The following TFAP2C variants were observed in gnomAD, a reference collection of about 807,000 sequenced individuals.
TFAP2C encodes activating enhancer-binding protein 2 gamma.
A neutral mutation model predicts 42.9 loss-of-function variants in TFAP2C; 9 were observed. The ratio of observed to expected loss-of-function variants is 0.21; its 90% CI spans 0.13 to 0.37. The LOEUF is 0.37. Ranked by LOEUF, TFAP2C falls within the 10% of genes least tolerant of loss-of-function variation. The pLI is 1.00. For synonymous variants in TFAP2C, 264 were observed against 256.0 expected, an observed-to-expected ratio of 1.03 and a Z score of -0.30; for missense variants, 462 against 591.7, an observed-to-expected ratio of 0.78 and a Z score of 2.27.
intron 6 of TFAP2C, 43 bp from the exon 7 acceptor site, chr20:56,637,685 G>A (rs2146450149): frequency 6.3e-7 from 1 of 1,599,414 alleles, no homozygotes; most frequent in Non-Finnish European, 8.5e-7. Flanking sequence ...TGACCTGTAA[G>A]GAGCTAGATG....
chr20:56,629,494 TG>T lies in TFAP2C; in HGVS notation c.-45del, dbSNP rs1230718829. ...GATTTTGGATTTACCGCTTGGGGGCTGGGGGGATCCTGGATTTAACTGGCGA... is the reference window on the plus strand; with the variant it reads ...GATTTTGGATTTACCGCTTGGGGGCTGGGGGATCCTGGATTTAACTGGCGA... On this transcript the variant is annotated 5_prime_UTR_variant, in exon 1 of 7. Coordinates refer to ENST00000201031, the MANE Select transcript of TFAP2C (RefSeq NM_003222.4). The surrounding 1 kb of genome is among the most constrained non-coding windows in gnomAD (Gnocchi z 5.9). The T allele has an allele frequency of 1.4e-5, 19 of 1,375,514 alleles. No homozygotes were observed. The highest frequency in any genetic ancestry group is 2.8e-5 in the East Asian group (1 of 36,314). 85.2% of individuals were successfully genotyped at this position (1,375,514 alleles called of 1,614,324 possible).
intron 3 of TFAP2C, among the ~76,000 whole-genome samples, chr20:56,632,198 C>T (rs1427526177): frequency 6.6e-6 from 1 of 152,286 alleles, no homozygotes; most frequent in Non-Finnish European, 1.5e-5. Context: ...ACAGGCACAC[C>T]TTCGTTGAGT....
Position 56,631,088 on chromosome 20 carries a change from G to T in TFAP2C, c.49-117G>T, listed in dbSNP as rs34060732. ...TACCTTCCGACCCTGGGCAAGCCCC[G>T]CCGGGCGGGGTGCGGTTGGTCCCCC... On this transcript the variant is annotated intron_variant, in intron 1 of 6. Coordinates refer to ENST00000201031, the MANE Select transcript of TFAP2C (RefSeq NM_003222.4). This position sits in a 1 kb window ranked among gnomAD's most constrained non-coding sequence, Gnocchi z 6.1. 2.4e-4 allele frequency: 341 copies of T among 1,436,420 alleles called. 3 individuals are homozygous for T. In the African/African-American group the frequency reaches 3.4e-3, roughly 14 times the overall value. 89.0% of individuals were successfully genotyped at this position (1,436,420 alleles called of 1,614,324 possible). A position where few individuals can be genotyped will look rare whatever the true frequency, so the allele number is the denominator to read the frequency against.
intron 5 of TFAP2C, 24 bp from the exon 6 acceptor site, chr20:56,636,585 TA>T (rs2146449523): frequency 6.3e-7 from 1 of 1,598,280 alleles, no homozygotes; most frequent in African/African-American, 1.3e-5. Flanking sequence ...ACAGCCATCC[TA>T]AAAGCTGTTG....
In TFAP2C at chr20:56,630,315, C is replaced by T. The variant is rs1020043893; in HGVS notation, c.48+723C>T. On this transcript the variant is annotated intron_variant, in intron 1 of 6. Coordinates refer to ENST00000201031, the MANE Select transcript of TFAP2C (RefSeq NM_003222.4). The surrounding 1 kb of genome is among the most constrained non-coding windows in gnomAD (Gnocchi z 5.1). ...TGCGCCTCCGGGCCCTGGAGGGCTG[C>T]CCCTGCCCGCAGGCCCGGGCGCTTC... The T allele has an allele frequency of 3.6e-5, 15 of 414,394 alleles. No individual in the cohort carries two copies. The highest frequency in any genetic ancestry group is 2.0e-4 in the South Asian group (12 of 60,246). The allele number at this position is 414,394 out of a possible 1,614,324, so 25.7% of individuals were successfully genotyped here.
In TFAP2C at chr20:56,638,968, A is replaced by G. The variant is rs1330322356; in HGVS notation, c.*955A>G. Reference sequence around the variant, plus strand: ...TTGAGACATGGGATCCAATTTTAATATTAACTTTTAATGGTGATGGGGTAA... The same window carrying G: ...TTGAGACATGGGATCCAATTTTAATGTTAACTTTTAATGGTGATGGGGTAA... On this transcript the variant is annotated 3_prime_UTR_variant, in exon 7 of 7. Coordinates refer to ENST00000201031, the MANE Select transcript of TFAP2C (RefSeq NM_003222.4). 6.6e-6 allele frequency: 1 copy of G among 152,584 alleles called. No homozygotes were observed. Among genetic ancestry groups the G allele is most frequent in the Non-Finnish European group, 1.5e-5 (1 of 68,026 alleles). The allele number at this position is 152,584 out of a possible 1,614,324, so 9.5% of individuals were successfully genotyped here.
Position 56,639,154 on chromosome 20 carries a change from G to A in TFAP2C, c.*1141G>A, listed in dbSNP as rs1351450370. ...TTCCTGTTGGGCTGAACCCTAAGGT[G>A]AGTGTGCAGTACAGTGTGTGTGGGT... On this transcript the variant is annotated 3_prime_UTR_variant, in exon 7 of 7. Coordinates refer to ENST00000201031, the MANE Select transcript of TFAP2C (RefSeq NM_003222.4). The A allele has an allele frequency of 2.0e-5, 3 of 152,626 alleles. No homozygotes were observed. The highest frequency in any genetic ancestry group is 1.5e-5 in the Non-Finnish European group (1 of 68,046). 9.5% of individuals were successfully genotyped at this position (152,626 alleles called of 1,614,324 possible).
chr20:56,635,158 C>T (rs112439334), intron 5 of TFAP2C, among the ~76,000 whole-genome samples: 4 of 152,268 alleles, frequency 2.6e-5, no homozygotes, highest in South Asian at 2.1e-4. Flanking sequence ...TTACCTTTTA[C>T]GAGTGCCTTT....
At chr20:56,635,989 C>A (rs953554454) in intron 5 of TFAP2C, among the ~76,000 whole-genome samples, 3 of 151,970 alleles carry the variant, frequency 2.0e-5, no homozygotes, top group Non-Finnish European at 2.9e-5. Context: ...TTCATTATTT[C>A]CCCCCCGAAT....
chr20:56,631,518 C>T lies in TFAP2C; in HGVS notation c.362C>T (p.Pro121Leu). The T allele has an allele frequency of 5.3e-6, 8 of 1,505,406 alleles. No individual in the cohort carries two copies. Among genetic ancestry groups the T allele is most frequent in the East Asian group, 5.2e-5 (2 of 38,722 alleles). 93.3% of individuals were successfully genotyped at this position (1,505,406 alleles called of 1,614,324 possible). A position where few individuals can be genotyped will look rare whatever the true frequency, so the allele number is the denominator to read the frequency against. ...GGGCTGCCCTCGCACCACGGGCGCC[C>T]GGCCGGCCTACTGCCCCACCTCTCC... ...GAGLPSHHGR[P>L]AGLLPHLSGL... Residue 121 changes from proline to leucine, a missense_variant, in exon 2 of 7, where the codon CCG becomes CTG. Coordinates refer to ENST00000201031, the MANE Select transcript of TFAP2C (RefSeq NM_003222.4). The surrounding 1 kb of genome is among the most constrained non-coding windows in gnomAD (Gnocchi z 6.1).
rs557389234 is a variant in TFAP2C, at chr20:56,629,842, G to C, written c.48+250G>C. 2.0e-5 allele frequency among the ~76,000 whole-genome samples: 3 copies of C among 152,278 alleles called. No individual in the cohort carries two copies. Among genetic ancestry groups the C allele is most frequent in the East Asian group, 1.9e-4 (1 of 5,164 alleles). On this transcript the variant is annotated intron_variant, in intron 1 of 6. Transcript: ENST00000201031. This position sits in a 1 kb window ranked among gnomAD's most constrained non-coding sequence, Gnocchi z 5.9. ...GCAAATCCCACCCACACAGCTTACC[G>C]GGCGCTTTCCTAAGCGGCAAACAGC...
Position 56,633,612 on chromosome 20 carries a change from A to G in TFAP2C, c.803+43A>G, listed in dbSNP as rs373661573. 10 of 1,483,274 alleles carry G rather than the reference A, an allele frequency of 6.7e-6. No individual in the cohort carries two copies. The South Asian group carries it at 1.0e-4, about 15-fold the overall frequency. The allele number at this position is 1,483,274 out of a possible 1,614,324, so 91.9% of individuals were successfully genotyped here. ...CTAGGCATAGTGGTTGGGTAGTTGAAGGTGAGTGTATCAGAGGCCCAGGAG... is the reference window on the plus strand; with the variant it reads ...CTAGGCATAGTGGTTGGGTAGTTGAGGGTGAGTGTATCAGAGGCCCAGGAG... On this transcript the variant is annotated intron_variant, in intron 4 of 6. Transcript: ENST00000201031.
Position 56,629,442 on chromosome 20 carries a change from C to A in TFAP2C, c.-103C>A. On this transcript the variant is annotated 5_prime_UTR_variant, in exon 1 of 7. Coordinates refer to ENST00000201031, the MANE Select transcript of TFAP2C (RefSeq NM_003222.4). This position sits in a 1 kb window ranked among gnomAD's most constrained non-coding sequence, Gnocchi z 5.9. The stretch of plus-strand genomic sequence containing the variant: ...CAAGGCCCGCGCGCGGCGGGGGCGG[C>A]GGCAGACGCCTGGTCACCGTGACCC... 1 of 1,085,064 alleles carries A rather than the reference C, an allele frequency of 9.2e-7. No homozygotes were observed. Among genetic ancestry groups the A allele is most frequent in the Non-Finnish European group, 1.2e-6 (1 of 816,568 alleles). 67.2% of individuals were successfully genotyped at this position (1,085,064 alleles called of 1,614,324 possible).
In TFAP2C at chr20:56,631,185, GT is replaced by G. The variant is rs377542297; in HGVS notation, c.49-9del. ...GGGTTTCGCACTAACGGGGTCTCCT[GT>G]TTTTTTTTTTCCCTCCAGGATCGCC... is the stretch of plus-strand genomic sequence containing the variant. On this transcript the variant is annotated intron_variant, in intron 1 of 6. Transcript: ENST00000201031. The surrounding 1 kb of genome is among the most constrained non-coding windows in gnomAD (Gnocchi z 6.1). The G allele has an allele frequency of 3.9e-3, 4,416 of 1,140,700 alleles. No homozygotes were observed. Among genetic ancestry groups the G allele is most frequent in the South Asian group, 0.013 (688 of 52,756 alleles). 70.7% of individuals were successfully genotyped at this position (1,140,700 alleles called of 1,614,324 possible). A position where few individuals can be genotyped will look rare whatever the true frequency, so the allele number is the denominator to read the frequency against.
At chr20:56,636,553 G>A (rs912016156) in intron 5 of TFAP2C, 57 bp from the exon 6 acceptor site, 2 of 1,531,504 alleles carry the variant, frequency 1.3e-6, no homozygotes, top group Non-Finnish European at 1.8e-6. Flanking sequence ...GAGAGGAAAA[G>A]GGCAGTTTGG....
chr20:56,631,966 A>C lies in TFAP2C; in HGVS notation c.586+110A>C, dbSNP rs1987502005. ...GCCAGCGTGGGACATTTGTGGTAGA[A>C]GGGACTGAAAGGGATTCATGGAAGC... On this transcript the variant is annotated intron_variant, in intron 3 of 6. Transcript: ENST00000201031. The surrounding 1 kb of genome is among the most constrained non-coding windows in gnomAD (Gnocchi z 6.1). The C allele has an allele frequency of 8.5e-7, 1 of 1,173,838 alleles. No individual in the cohort carries two copies. Among genetic ancestry groups the C allele is most frequent in the East Asian group, 2.4e-5 (1 of 42,400 alleles). The allele number at this position is 1,173,838 out of a possible 1,614,324, so 72.7% of individuals were successfully genotyped here.
chr20:56,636,841 C>A, intron 6 of TFAP2C, 87 bp downstream of exon 6: 1 of 1,425,870 alleles, frequency 7.0e-7, no homozygotes, highest in Non-Finnish European at 9.4e-7. Flanking sequence ...CCCGATGGCT[C>A]AACAAAGAAA....
intron 4 of TFAP2C, among the ~76,000 whole-genome samples, 163 bp downstream of exon 4, chr20:56,633,732 G>A (rs1215663143): frequency 1.3e-5 from 2 of 152,192 alleles, no homozygotes; most frequent in Non-Finnish European, 2.9e-5. Context: ...AGTGCCAAAT[G>A]TGGGAGGAAG....
chr20:56,635,159 G>A (rs1987560904), intron 5 of TFAP2C, among the ~76,000 whole-genome samples: 3 of 152,148 alleles, frequency 2.0e-5, no homozygotes, highest in Admixed American at 2.0e-4. Flanking sequence ...TACCTTTTAC[G>A]AGTGCCTTTG....
Sources: allele counts gnomAD v4.1 joint callset (sites outside exome capture counted in the v4.1 genomes callset), GRCh38; gene constraint gnomAD v4.1.1; non-coding constraint Gnocchi (gnomAD v3.1); transcripts MANE v1.5; gene names NCBI Gene and HGNC (gene_info 2026-07-23, HGNC 2026-07-21).